The following COL6A5 variants were observed in gnomAD, a reference collection of about 807,000 sequenced individuals.
The protein encoded by COL6A5 is collagen alpha-5(VI) chain.
Under a neutral mutation model 65.6 loss-of-function variants are expected in COL6A5, and 48 were observed. The ratio of observed to expected loss-of-function variants is 0.73; its 90% CI spans 0.58 to 0.93. COL6A5 has a LOEUF of 0.93. Among genes scored for constraint, COL6A5 ranks in the 40% least tolerant of loss-of-function variants. The pLI is 0.00. For missense variants in COL6A5, 914 were observed against 928.3 expected, an observed-to-expected ratio of 0.98 and a Z score of 0.20; for synonymous variants, 291 against 322.8, an observed-to-expected ratio of 0.90 and a Z score of 1.05.
chr3:130,403,398 G>A (rs538481494), intron 12 of COL6A5, among the ~76,000 whole-genome samples: 1 of 152,220 alleles, frequency 6.6e-6, no homozygotes, highest in East Asian at 1.9e-4. Context: ...GCATTAGGAG[G>A]GTCACCTTCT....
chr3:130,439,586 A>G, exon 2 of COL6A5: 2 of 1,551,254 alleles, frequency 1.3e-6, no homozygotes, highest in Non-Finnish European at 1.7e-6. Context: ...CAAACATTAG[A>G]AAGACTTCGG....
chr3:130,462,800 A>G (rs186441624), intron 5 of COL6A5, among the ~76,000 whole-genome samples: 238 of 152,226 alleles, frequency 1.6e-3, no homozygotes, highest in African/African-American at 5.5e-3. Flanking sequence ...CAGAAGGAAC[A>G]GCCATTGGCT....
chr3:130,387,636 T>A (rs1280693693), intron 5 of COL6A5, among the ~76,000 whole-genome samples: 1 of 152,060 alleles, frequency 6.6e-6, no homozygotes, highest in Non-Finnish European at 1.5e-5. Context: ...ATAGTTAACA[T>A]CTTTTCATTT....
intron 1 of COL6A5, among the ~76,000 whole-genome samples, chr3:130,357,801 G>A (rs1934971645): frequency 1.3e-5 from 2 of 152,000 alleles, no homozygotes; most frequent in South Asian, 2.1e-4. Flanking sequence ...TAAATCTTAG[G>A]TTAAAATAAG....
intron 1 of COL6A5, among the ~76,000 whole-genome samples, chr3:130,351,035 C>G (rs1934684458): frequency 6.6e-6 from 1 of 152,138 alleles, no homozygotes; most frequent in Non-Finnish European, 1.5e-5. Context: ...TGATCTTTGA[C>G]AAACCTGACA....
At chr3:130,454,892 GC>G (rs963445670) in intron 4 of COL6A5, among the ~76,000 whole-genome samples, 23 of 152,270 alleles carry the variant, frequency 1.5e-4, no homozygotes, top group Admixed American at 3.3e-4. Flanking sequence ...TGTAATCTAA[GC>G]AGTTTGGGAG....
chr3:130,416,877 A>T, intron 24 of COL6A5, 58 bp downstream of exon 24: 1 of 888,142 alleles, frequency 1.1e-6, no homozygotes, highest in East Asian at 2.7e-5. Context: ...TTTAATGGAT[A>T]ATTAATAATT....
chr3:130,421,372 A>T lies in COL6A5; in HGVS notation c.5037+12A>T. Reference sequence around the variant, plus strand: ...ATGCGGGGCAGAAGGTATTGTATGCATGACCTTTTGAAATTACCATGATCT... The same window carrying T: ...ATGCGGGGCAGAAGGTATTGTATGCTTGACCTTTTGAAATTACCATGATCT... On this transcript the variant is annotated intron_variant and NMD_transcript_variant, in intron 27 of 41. Transcript: ENST00000312481. The T allele has an allele frequency of 6.4e-7, 1 of 1,550,466 alleles. No individual in the cohort carries two copies. The highest frequency in any genetic ancestry group is 1.2e-5 in the South Asian group (1 of 84,026).
At chr3:130,428,957 A>G (rs1175233050), upstream of COL6A5, among the ~76,000 whole-genome samples, 1 of 152,308 alleles carries the variant, frequency 6.6e-6, no homozygotes, top group South Asian at 2.1e-4. Flanking sequence ...GTGGTTTCTT[A>G]AAGATGTATC....
At chr3:130,357,875 A>C (rs1469349051) in intron 1 of COL6A5, among the ~76,000 whole-genome samples, 3 of 152,150 alleles carry the variant, frequency 2.0e-5, no homozygotes, top group African/African-American at 7.2e-5. Context: ...AACATGTGTA[A>C]TGAAGAAAAC....
upstream of COL6A5, among the ~76,000 whole-genome samples, chr3:130,430,108 G>A (rs1031991319): frequency 2.0e-5 from 3 of 152,292 alleles, no homozygotes; most frequent in East Asian, 5.8e-4. Flanking sequence ...GGAGCCAGTG[G>A]CTATGTCAAT....
chr3:130,409,099 A>G lies in COL6A5; in HGVS notation c.4480-227A>G, dbSNP rs916140226. 1.3e-5 allele frequency among the ~76,000 whole-genome samples: 2 copies of G among 152,298 alleles called. 1 individual carries two copies. Among genetic ancestry groups the G allele is most frequent in the South Asian group, 4.1e-4 (2 of 4,828 alleles). The stretch of plus-strand genomic sequence containing the variant: ...GCAGAAACTCCTATTGGACAGTGCT[A>G]TGTTAGACCACGAGAAGTTTTCCAG... On this transcript the variant is annotated intron_variant and NMD_transcript_variant, in intron 17 of 41. Coordinates refer to the COL6A5 transcript ENST00000312481.
chr3:130,389,019 T>C (rs1386090334), exon 6 of COL6A5: 5 of 1,542,588 alleles, frequency 3.2e-6, no homozygotes, highest in Middle Eastern at 3.4e-4. Flanking sequence ...ACAATGCCAA[T>C]AGATCTCAGC....
rs542833402 is a variant in COL6A5 at position 130,436,683 on chromosome 3, A to G, written c.488-2839A>G. Among the ~76,000 whole-genome samples the G allele has an allele frequency of 4.8e-4, 73 of 151,864 alleles. No homozygotes were observed. The South Asian group carries it at 0.015, about 31-fold the overall frequency. On this transcript the variant is annotated intron_variant, in intron 1 of 7. Transcript: ENST00000512836. ...TTGATCTTGCCTTTCTCTGGGAAAC[A>G]TTTTCTTTTTTTGGCTGACTTTTAG...
chr3:130,444,765 C>T (rs1020218370), intron 4 of COL6A5, among the ~76,000 whole-genome samples: 1 of 152,132 alleles, frequency 6.6e-6, no homozygotes. Context: ...TTTCTGCCAC[C>T]TGATCTAACA....
At chr3:130,397,812 AGT>A (rs1936659925) in exon 9 of COL6A5, 1 of 1,551,572 alleles carries the variant, frequency 6.4e-7, no homozygotes, top group Non-Finnish European at 8.7e-7. Context: ...ATCAGAAAGC[AGT>A]GTTTGACAGC....
chr3:130,458,689 A>T (rs1281394090), intron 5 of COL6A5, among the ~76,000 whole-genome samples: 1 of 152,170 alleles, frequency 6.6e-6, no homozygotes, highest in Admixed American at 6.6e-5. Flanking sequence ...GTTGCTAAAG[A>T]GTTCCAGGTG....
At chr3:130,362,327 T>TATATATATA (rs58747372) in intron 1 of COL6A5, among the ~76,000 whole-genome samples, 5 of 3,168 alleles carry the variant, frequency 1.6e-3, no homozygotes, top group African/African-American at 3.5e-3. Flanking sequence ...TATATATATA[T>TATATATATA]TTTTTTTTTT....
chr3:130,454,473 CATT>C, intron 4 of COL6A5, among the ~76,000 whole-genome samples: 1 of 152,202 alleles, frequency 6.6e-6, no homozygotes, highest in Non-Finnish European at 1.5e-5. Context: ...TTCCTCTCCT[CATT>C]AACTCTCAAC....
Sources: gnomAD v4.1 joint callset for allele counts (sites outside exome capture counted in the v4.1 genomes callset) on GRCh38, gnomAD v4.1.1 for gene constraint, MANE v1.5 for transcripts, NCBI Gene and HGNC (gene_info 2026-07-23, HGNC 2026-07-21) for gene names.